The following PTPRG variants were observed in gnomAD, a reference collection of about 807,000 sequenced individuals.
The protein encoded by PTPRG is receptor-type tyrosine-protein phosphatase gamma.
In PTPRG, 102 loss-of-function variants were observed where a neutral mutation model predicts 165.3. That is an observed-to-expected ratio of 0.62 (90% CI 0.53 to 0.73). The LOEUF (loss-of-function observed/expected upper bound fraction) is 0.73. Ranked by LOEUF, PTPRG falls within the 30% of genes least tolerant of loss-of-function variation. The pLI, the probability that PTPRG is intolerant of heterozygous loss-of-function variation, is 0.00. For missense variants in PTPRG, 1,866 were observed against 1,861.4 expected, an observed-to-expected ratio of 1.00 and a Z score of -0.05; for synonymous variants, 675 against 669.5, an observed-to-expected ratio of 1.01 and a Z score of -0.13.
intron 1 of PTPRG, among the ~76,000 whole-genome samples, chr3:61,677,405 G>A (rs978667277): frequency 6.6e-6 from 1 of 152,216 alleles, no homozygotes; most frequent in Non-Finnish European, 1.5e-5. Context: ...GTGAGGAAAC[G>A]AGGCCTAGAC....
At chr3:61,569,714 G>T (rs914431941) in intron 1 of PTPRG, among the ~76,000 whole-genome samples, 1 of 152,160 alleles carries the variant, frequency 6.6e-6, no homozygotes, top group Admixed American at 6.5e-5. Context: ...ACAACTTTTT[G>T]AAAAATTGTA....
intron 2 of PTPRG, among the ~76,000 whole-genome samples, chr3:61,949,816 C>T (rs1575815598): frequency 6.6e-6 from 1 of 151,684 alleles, no homozygotes; most frequent in African/African-American, 2.4e-5. Flanking sequence ...GGCGTGATCT[C>T]GGCTCACTGC....
intron 2 of PTPRG, among the ~76,000 whole-genome samples, chr3:61,794,281 C>T (rs2034984052): frequency 6.6e-6 from 1 of 151,994 alleles, no homozygotes; most frequent in African/African-American, 2.4e-5. Context: ...GTTAGAATTA[C>T]TATTATTTAA....
intron 29 of PTPRG, 44 bp from the exon 30 acceptor site, chr3:62,293,117 C>G (rs1686265606): frequency 2.7e-6 from 4 of 1,472,668 alleles, no homozygotes; most frequent in Non-Finnish European, 3.6e-6. Context: ...TGTGAAATCA[C>G]TAAACTGTTC....
intron 2 of PTPRG, among the ~76,000 whole-genome samples, chr3:61,920,748 T>G (rs183809482): frequency 6.6e-6 from 1 of 152,332 alleles, no homozygotes; most frequent in Admixed American, 6.5e-5. Flanking sequence ...GAGAGGAAGG[T>G]ACAGAGATAT....
chr3:61,923,877 T>G (rs529420914), intron 2 of PTPRG, among the ~76,000 whole-genome samples: 3 of 152,048 alleles, frequency 2.0e-5, no homozygotes, highest in Non-Finnish European at 1.5e-5. Flanking sequence ...CTATAAAATA[T>G]AGTAAAGGGG....
rs1297662169 is a variant in PTPRG, at chr3:61,618,747, T to C, written c.85+56375T>C. Among the ~76,000 whole-genome samples the C allele has an allele frequency of 2.0e-5, 3 of 152,144 alleles. No individual in the cohort carries two copies. In the South Asian group the frequency reaches 6.2e-4, roughly 32 times the overall value. On this transcript the variant is annotated intron_variant, in intron 1 of 29. Transcript: ENST00000474889. Reference sequence around the variant, plus strand: ...AATTTTGGCTCATAAAGCTGAACTTTCCAGAGACTTTCTGTTGATGAGAGT... The same window carrying C: ...AATTTTGGCTCATAAAGCTGAACTTCCCAGAGACTTTCTGTTGATGAGAGT...
At chr3:62,143,125 A>G (rs1174165424) in intron 6 of PTPRG, among the ~76,000 whole-genome samples, 8 of 152,158 alleles carry the variant, frequency 5.3e-5, no homozygotes, top group Middle Eastern at 3.2e-3. Context: ...ATTGAAGCTC[A>G]TCATATGGGT....
intron 2 of PTPRG, among the ~76,000 whole-genome samples, chr3:61,957,502 A>G (rs1216242315): frequency 6.6e-6 from 1 of 152,228 alleles, no homozygotes; most frequent in Non-Finnish European, 1.5e-5. Context: ...CAGCATTTTT[A>G]TGGAGAGCAG....
chr3:62,069,309 A>G (rs1233839446), intron 4 of PTPRG, among the ~76,000 whole-genome samples: 1 of 152,184 alleles, frequency 6.6e-6, no homozygotes, highest in African/African-American at 2.4e-5. Context: ...GCTCTTCAAT[A>G]TACAAATCCG....
chr3:62,053,399 T>C (rs549927840), intron 4 of PTPRG, among the ~76,000 whole-genome samples: 27 of 151,994 alleles, frequency 1.8e-4, no homozygotes, highest in African/African-American at 6.5e-4. Flanking sequence ...CCCGAGTAGC[T>C]GGGATTACAG....
At chr3:62,096,135 A>G (rs1474647573) in intron 5 of PTPRG, among the ~76,000 whole-genome samples, 3 of 152,018 alleles carry the variant, frequency 2.0e-5, no homozygotes, top group African/African-American at 7.2e-5. Context: ...AAGAGGAGAG[A>G]TGGTGGTAGC....
chr3:62,050,691 T>C (rs914776346), intron 4 of PTPRG, among the ~76,000 whole-genome samples: 1 of 152,236 alleles, frequency 6.6e-6, no homozygotes, highest in Non-Finnish European at 1.5e-5. Context: ...TGCGAGAATT[T>C]AGTGACTAAC....
At chr3:61,976,528 A>G (rs1257719219) in intron 2 of PTPRG, among the ~76,000 whole-genome samples, 1 of 152,194 alleles carries the variant, frequency 6.6e-6, no homozygotes, top group East Asian at 1.9e-4. Context: ...TATATTAGCA[A>G]CCTACAGGGT....
intron 2 of PTPRG, among the ~76,000 whole-genome samples, chr3:61,913,282 C>T (rs1376381473): frequency 6.6e-6 from 1 of 152,212 alleles, no homozygotes; most frequent in East Asian, 1.9e-4. Flanking sequence ...TGCAGTGGCG[C>T]GATCTTGGCT....
chr3:62,081,364 G>A (rs1305262232), intron 5 of PTPRG, among the ~76,000 whole-genome samples: 1 of 152,028 alleles, frequency 6.6e-6, no homozygotes, highest in African/African-American at 2.4e-5. Context: ...TATTTATTTA[G>A]ATACAAATCT....
intron 1 of PTPRG, among the ~76,000 whole-genome samples, chr3:61,682,915 G>A (rs745766370): frequency 1.8e-4 from 27 of 152,188 alleles, no homozygotes; most frequent in Admixed American, 1.6e-3. Flanking sequence ...AAAGGCAAGG[G>A]GAAGACAAAG....
At chr3:61,640,846 A>G (rs1702040415) in intron 1 of PTPRG, among the ~76,000 whole-genome samples, 1 of 152,206 alleles carries the variant, frequency 6.6e-6, no homozygotes, top group Non-Finnish European at 1.5e-5. Context: ...TCTGGAGTAC[A>G]GGGCCACAGC....
chr3:61,625,064 T>C (rs943349444), intron 1 of PTPRG, among the ~76,000 whole-genome samples: 7 of 151,902 alleles, frequency 4.6e-5, no homozygotes, highest in African/African-American at 1.7e-4. Context: ...CGCATATCTC[T>C]GTGTTCATAT....
Sources: allele counts gnomAD v4.1 joint callset (sites outside exome capture counted in the v4.1 genomes callset), GRCh38; gene constraint gnomAD v4.1.1; transcripts MANE v1.5; gene names NCBI Gene and HGNC (gene_info 2026-07-23, HGNC 2026-07-21).